Variants in NRG2 observed in about 807,000 individuals in gnomAD.
The protein encoded by NRG2 is neuregulin 2, also known as pro-neuregulin-2, membrane-bound isoform.
Under a neutral mutation model 73.9 loss-of-function variants are expected in NRG2, and 27 were observed. That is an observed-to-expected ratio of 0.37 (90% confidence interval 0.27 to 0.50). NRG2 has a LOEUF of 0.50. Ranked by LOEUF, NRG2 falls within the 20% of genes least tolerant of loss-of-function variation. The pLI, the probability that NRG2 is intolerant of heterozygous loss-of-function variation, is 0.96. For synonymous variants in NRG2, 532 were observed against 541.0 expected (o/e 0.98, Z 0.23); for missense variants, 1,126 against 1,210.1 (o/e 0.93, Z 1.03).
chr5:139,989,533 A>C (rs1303035109), intron 1 of NRG2, among the ~76,000 whole-genome samples: 1 of 151,998 alleles, frequency 6.6e-6, no homozygotes, highest in Non-Finnish European at 1.5e-5. Flanking sequence ...TATTGCATCT[A>C]TAAGAGTTCC....
At chr5:139,884,761 G>A (rs539915485) in intron 2 of NRG2, among the ~76,000 whole-genome samples, 136 of 152,322 alleles carry the variant, frequency 8.9e-4, no homozygotes, top group African/African-American at 3.1e-3. Flanking sequence ...CAGAGTGCCT[G>A]GCACATAGTT....
Position 139,851,635 on chromosome 5 carries a change from C to T in NRG2, c.1741G>A (p.Asp581Asn), listed in dbSNP as rs749116166. 1.2e-6 allele frequency: 2 copies of T among 1,613,966 alleles called. No individual in the cohort carries two copies. The highest frequency in any genetic ancestry group is 1.7e-6 in the Non-Finnish European group (2 of 1,180,026). The change falls in exon 9 of 10, where the codon GAC becomes AAC. Residue 581 changes from aspartate (D) to asparagine (N), a missense_variant. Asp to Asn is a conservative substitution (Grantham distance 23). This residue lies in a region of NRG2 where 539 missense variants were observed against 703.2 expected (regional missense o/e 0.77). Transcript: ENST00000361474. The surrounding 1 kb of genome is among the most constrained non-coding windows in gnomAD (Gnocchi z 4.2). The stretch of plus-strand genomic sequence containing the variant: ...CTGTGTGGGGAGTCGCGAAGGGAGT[C>T]CACGGAATCGTGATAGGGTGGCGCG... ...ATAPPYHDSV[D>N]SLRDSPHSER...
intron 1 of NRG2, among the ~76,000 whole-genome samples, chr5:139,997,056 C>G (rs1758073385): frequency 6.6e-6 from 1 of 152,144 alleles, no homozygotes; most frequent in African/African-American, 2.4e-5. Context: ...GTGGGGGGAT[C>G]ACCTGAGCTT....
chr5:139,896,309 A>C (rs1764538044), intron 1 of NRG2, among the ~76,000 whole-genome samples: 1 of 152,362 alleles, frequency 6.6e-6, no homozygotes, highest in East Asian at 1.9e-4. Context: ...GGTTTTGAAA[A>C]AATGCTGGGT....
intron 1 of NRG2, among the ~76,000 whole-genome samples, chr5:140,013,307 T>C (rs1339179684): frequency 6.6e-6 from 1 of 152,124 alleles, no homozygotes; most frequent in Non-Finnish European, 1.5e-5. Context: ...ATTTAGACAA[T>C]CTCCTCTCAC....
rs1765247661 is a variant in NRG2 at position 139,906,601 on chromosome 5, G to C, written c.701-19090C>G. On this transcript the variant is annotated intron_variant, in intron 1 of 9. Coordinates refer to ENST00000361474, the MANE Select transcript of NRG2 (RefSeq NM_004883.3). Reference sequence around the variant, plus strand: ...TGGTAAATAGGTAGTCAGGCTTACTGTGTTTCGGGCACAGTGCTAGGTGCT... The same window carrying C: ...TGGTAAATAGGTAGTCAGGCTTACTCTGTTTCGGGCACAGTGCTAGGTGCT... 5.3e-5 allele frequency among the ~76,000 whole-genome samples: 8 copies of C among 152,218 alleles called. No individual in the cohort carries two copies. The South Asian group carries it at 1.7e-3, about 32-fold the overall frequency.
At chr5:140,003,116 T>C (rs1380449017) in intron 1 of NRG2, among the ~76,000 whole-genome samples, 5 of 152,312 alleles carry the variant, frequency 3.3e-5, no homozygotes, top group African/African-American at 1.2e-4. Context: ...CTAAATGTGC[T>C]TCTTCATAAA....
chr5:140,021,818 G>A (rs527895753), intron 1 of NRG2, among the ~76,000 whole-genome samples: 2 of 152,282 alleles, frequency 1.3e-5, no homozygotes, highest in East Asian at 3.9e-4. Context: ...CCTTTCTGTA[G>A]GGAATATTAA....
chr5:139,911,794 C>G (rs896144435), intron 1 of NRG2, among the ~76,000 whole-genome samples: 6 of 152,206 alleles, frequency 3.9e-5, no homozygotes, highest in African/African-American at 1.4e-4. Flanking sequence ...CTTCTGCCTG[C>G]CCCCCTCATC....
chr5:140,014,268 G>A (rs190470514), intron 1 of NRG2, among the ~76,000 whole-genome samples: 82 of 151,658 alleles, frequency 5.4e-4, no homozygotes, highest in South Asian at 1.3e-3. Context: ...ACAGAGTCTC[G>A]CTCTGTTGCC....
At chr5:139,884,396 A>G (rs926946098) in intron 2 of NRG2, among the ~76,000 whole-genome samples, 3 of 152,138 alleles carry the variant, frequency 2.0e-5, no homozygotes, top group Non-Finnish European at 2.9e-5. Context: ...GAAAGGAAAG[A>G]CCAGCGGCCG....
intron 1 of NRG2, among the ~76,000 whole-genome samples, chr5:140,016,317 T>C (rs1759775107): frequency 6.6e-6 from 1 of 152,196 alleles, no homozygotes; most frequent in Non-Finnish European, 1.5e-5. Flanking sequence ...TTTTCTCAAT[T>C]TGAAACTAAA....
chr5:139,933,151 T>A (rs1752603624), intron 1 of NRG2, among the ~76,000 whole-genome samples: 1 of 152,152 alleles, frequency 6.6e-6, no homozygotes, highest in African/African-American at 2.4e-5. Context: ...GGCACCTGCC[T>A]GTAATCCCAG....
rs1054307191 is a variant in NRG2, at chr5:139,962,079, C to T, written c.701-74568G>A. ...CACAGTGGTCACCTGATTGCCTCTT[C>T]TACTCTATCTGTCTCCCTGGCCCCA... On this transcript the variant is annotated intron_variant, in intron 1 of 9. Coordinates refer to ENST00000361474, the MANE Select transcript of NRG2 (RefSeq NM_004883.3). 2.6e-5 allele frequency among the ~76,000 whole-genome samples: 4 copies of T among 152,190 alleles called. No individual in the cohort carries two copies. In the East Asian group the frequency reaches 5.8e-4, roughly 22 times the overall value.
At position 139,853,549 on chromosome 5, in the gene NRG2, C is replaced by T. The variant is rs188809017; in HGVS notation, c.1293-522G>A. Among the ~76,000 whole-genome samples, 118 of 152,266 alleles carry T rather than the reference C, an allele frequency of 7.7e-4. No homozygotes were observed. Among genetic ancestry groups the T allele is most frequent in the African/African-American group, 2.6e-3 (107 of 41,556 alleles). On this transcript the variant is annotated intron_variant, in intron 6 of 9. Coordinates refer to ENST00000361474, the MANE Select transcript of NRG2 (RefSeq NM_004883.3). The surrounding 1 kb of genome is among the most constrained non-coding windows in gnomAD (Gnocchi z 4.1). ...CAGTAGAGGAAGCAGATGGTAAACACATAAACAAAGCAATGAACTAGATAC... is the reference window on the plus strand; with the variant it reads ...CAGTAGAGGAAGCAGATGGTAAACATATAAACAAAGCAATGAACTAGATAC...
chr5:139,930,059 G>A (rs558023392), intron 1 of NRG2, among the ~76,000 whole-genome samples: 1 of 152,176 alleles, frequency 6.6e-6, no homozygotes, highest in Non-Finnish European at 1.5e-5. Context: ...TCTGTACCAA[G>A]ATTTTAACAT....
In NRG2 at chr5:139,904,841, C is replaced by A. The variant is rs377124053; in HGVS notation, c.701-17330G>T. On this transcript the variant is annotated intron_variant, in intron 1 of 9. Transcript: ENST00000361474. This position sits in a 1 kb window ranked among gnomAD's most constrained non-coding sequence, Gnocchi z 6.0. Reference sequence around the variant, plus strand: ...CCCAGGAAGGGACCAAAATGAAGCCCGCTAGCCAGCCCAGCGGGGTAGCGA... The same window carrying A: ...CCCAGGAAGGGACCAAAATGAAGCCAGCTAGCCAGCCCAGCGGGGTAGCGA... Among the ~76,000 whole-genome samples, 22 of 152,320 alleles carry A rather than the reference C, an allele frequency of 1.4e-4. No homozygotes were observed. In the East Asian group the frequency reaches 3.9e-3, roughly 27 times the overall value.
chr5:139,936,737 T>G (rs1340260173), intron 1 of NRG2, among the ~76,000 whole-genome samples: 1 of 152,212 alleles, frequency 6.6e-6, no homozygotes, highest in African/African-American at 2.4e-5. Flanking sequence ...TCCTCATGAA[T>G]TCCTCATGAA....
rs1764412826 is a variant in NRG2, at chr5:139,894,251, G to T, written c.701-6740C>A. ...GCAGCAGGCTCTTAAAAGGGTTAAT[G>T]ATCCTCACCTCATGACTAAGGCTGA... On this transcript the variant is annotated intron_variant, in intron 1 of 9. Transcript: ENST00000361474. The surrounding 1 kb of genome is among the most constrained non-coding windows in gnomAD (Gnocchi z 5.0). Among the ~76,000 whole-genome samples the T allele has an allele frequency of 6.6e-6, 1 of 152,126 alleles. No individual in the cohort carries two copies. Among genetic ancestry groups the T allele is most frequent in the African/African-American group, 2.4e-5 (1 of 41,424 alleles).
Sources: gnomAD v4.1 joint callset for allele counts (sites outside exome capture counted in the v4.1 genomes callset) on GRCh38, gnomAD v4.1.1 for gene constraint, gnomAD v4.1.1 regional missense constraint, Gnocchi (gnomAD v3.1) non-coding constraint, MANE v1.5 for transcripts, NCBI Gene and HGNC (gene_info 2026-07-23, HGNC 2026-07-21) for gene names.